Variants in SLC16A1 observed in about 807,000 individuals in gnomAD.
SLC16A1 encodes solute carrier family 16 member 1, also known as monocarboxylate transporter 1.
SLC16A1 carries 11 observed loss-of-function variants against 32.2 expected under a neutral mutation model. The ratio of observed to expected loss-of-function variants is 0.34; its 90% CI spans 0.21 to 0.56. The LOEUF (loss-of-function observed/expected upper bound fraction) is 0.56. SLC16A1 is among the 20% of genes least tolerant of loss of function. The probability of loss-of-function intolerance (pLI) is 0.87; values close to 1 mark genes in which losing one functional copy is unlikely to be tolerated. For missense variants in SLC16A1, 435 were observed against 615.0 expected (o/e 0.71, Z 3.10); for synonymous variants, 231 against 226.8 (o/e 1.02, Z -0.17).
chr1:112,922,870 CTAGATTT>C (rs1316981604), intron 2 of SLC16A1, among the ~76,000 whole-genome samples: 1 of 152,182 alleles, frequency 6.6e-6, no homozygotes, highest in African/African-American at 2.4e-5. Context: ...ATAAATGCAT[CTAGATTT>C]TAGAGTACTT....
intron 1 of SLC16A1, among the ~76,000 whole-genome samples, chr1:112,934,656 T>C (rs1448454356): frequency 6.6e-6 from 1 of 152,074 alleles, no homozygotes; most frequent in South Asian, 2.1e-4. Flanking sequence ...TTCTTTGTCT[T>C]AGTTATCTAG....
intron 3 of SLC16A1, 29 bp downstream of exon 3, chr1:112,921,961 T>C: frequency 1.9e-6 from 3 of 1,613,710 alleles, no homozygotes; most frequent in Admixed American, 1.7e-5. Flanking sequence ...CATAAACTAA[T>C]GCTTCCAAAT....
At chr1:112,944,737 GGTTGGAGTGCAGTGGTGCA>G (rs1649632831) in intron 1 of SLC16A1, among the ~76,000 whole-genome samples, 1 of 152,140 alleles carries the variant, frequency 6.6e-6, no homozygotes, top group Admixed American at 6.5e-5. Context: ...CTGTCGCTGA[GGTTGGAGTGCAGTGGTGCA>G]GTCTTGGCTC....
chr1:112,924,063 AAG>A (rs1648844111), intron 2 of SLC16A1: 11 of 1,292,152 alleles, frequency 8.5e-6, no homozygotes, highest in Non-Finnish European at 1.2e-5. Flanking sequence ...CTTCTGGAAG[AAG>A]CACCACTTCG....
chr1:112,945,394 G>T (rs1204426593), intron 1 of SLC16A1, among the ~76,000 whole-genome samples: 6 of 152,146 alleles, frequency 3.9e-5, no homozygotes, highest in African/African-American at 1.4e-4. Context: ...CCTACTGTTG[G>T]CCGGGCATGG....
rs1570620206 is a variant in SLC16A1, at chr1:112,918,002, A to G, written c.404T>C (p.Ile135Thr). 2 of 1,592,764 alleles carry G rather than the reference A, an allele frequency of 1.3e-6. No homozygotes were observed. The change falls in exon 4 of 5, where the codon ATT (isoleucine) becomes ACT (threonine). Residue 135 changes from isoleucine (I) to threonine (T), a missense_variant. Ile to Thr is a moderately conservative substitution (Grantham distance 89). Coordinates refer to ENST00000369626, the MANE Select transcript of SLC16A1 (RefSeq NM_003051.4). ...AFNLNPALTM[I>T]GKYFYKRRPL... ...TCGCCTCTTGTAGAAATACTTGCCA[A>G]TCATGGTCAGAGCTGGATTCAAGTT... is the stretch of plus-strand genomic sequence containing the variant.
At chr1:112,934,450 G>A (rs1178318411) in intron 1 of SLC16A1, among the ~76,000 whole-genome samples, 2 of 152,142 alleles carry the variant, frequency 1.3e-5, no homozygotes, top group African/African-American at 2.4e-5. Flanking sequence ...AGGGTAAATG[G>A]AAATACTTTA....
chr1:112,952,053 T>C (rs775549131), intron 1 of SLC16A1, among the ~76,000 whole-genome samples: 1 of 152,314 alleles, frequency 6.6e-6, no homozygotes, highest in Non-Finnish European at 1.5e-5. Context: ...CTAGGAATTA[T>C]ACTTGTCCTC....
chr1:112,928,921 G>A (rs113024488), intron 2 of SLC16A1, 171 bp downstream of exon 2: 3 of 620,848 alleles, frequency 4.8e-6, no homozygotes, highest in Non-Finnish European at 8.5e-6. Context: ...TATAGCAAGA[G>A]TTGCTATTGT....
At chr1:112,931,644 C>CAAG (rs1491529835) in intron 1 of SLC16A1, among the ~76,000 whole-genome samples, 1 of 62,028 alleles carries the variant, frequency 1.6e-5, no homozygotes, top group African/African-American at 5.9e-5. Flanking sequence ...TACTCTGTCT[C>CAAG]AAAAAAAAAA....
intron 1 of SLC16A1, chr1:112,936,120 C>G (rs1005098179): frequency 6.7e-6 from 1 of 150,218 alleles, no homozygotes; most frequent in African/African-American, 2.5e-5. Flanking sequence ...AAAGAGATTT[C>G]TGTTAAACAA....
At chr1:112,940,822 C>T (rs1418395733) in intron 1 of SLC16A1, among the ~76,000 whole-genome samples, 1 of 152,054 alleles carries the variant, frequency 6.6e-6, no homozygotes, top group Non-Finnish European at 1.5e-5. Flanking sequence ...AAAGAACATG[C>T]AAAAATTCTA....
intron 1 of SLC16A1, among the ~76,000 whole-genome samples, chr1:112,942,749 A>G (rs1188700608): frequency 2.0e-5 from 3 of 152,168 alleles, no homozygotes; most frequent in South Asian, 2.1e-4. Context: ...TATAATTCCA[A>G]TTAATTTGAC....
intron 1 of SLC16A1, among the ~76,000 whole-genome samples, chr1:112,933,096 T>C (rs531787365): frequency 6.6e-6 from 1 of 152,156 alleles, no homozygotes; most frequent in Non-Finnish European, 1.5e-5. Flanking sequence ...GAAGTTAAAA[T>C]AGATAACCTA....
chr1:112,936,353 C>CA (rs1372717628), intron 1 of SLC16A1, among the ~76,000 whole-genome samples: 10 of 151,644 alleles, frequency 6.6e-5, no homozygotes, highest in Non-Finnish European at 1.5e-4. Flanking sequence ...ACTAAAAATA[C>CA]AAAAATTAGC....
rs1349783198 is a variant in SLC16A1 at position 112,917,720 on chromosome 1, GCAT to G, written c.683_685del (p.Asp228del). On this transcript the variant is annotated inframe_deletion, in exon 4 of 5. Coordinates refer to ENST00000369626, the MANE Select transcript of SLC16A1 (RefSeq NM_003051.4). The surrounding 1 kb of genome is among the most constrained non-coding windows in gnomAD (Gnocchi z 4.1). Reference sequence around the variant, plus strand: ...GTGTCTTCCAATAAGATCTGTATTTGCATCATGCAGATCTTTTTTCACACCAGA... The same window carrying G: ...GTGTCTTCCAATAAGATCTGTATTTGCATGCAGATCTTTTTTCACACCAGA... The G allele has an allele frequency of 1.9e-6, 3 of 1,613,998 alleles. No homozygotes were observed. Among genetic ancestry groups the G allele is most frequent in the Non-Finnish European group, 2.5e-6 (3 of 1,179,974 alleles).
chr1:112,926,438 C>T (rs1465181819), intron 2 of SLC16A1, among the ~76,000 whole-genome samples: 1 of 152,068 alleles, frequency 6.6e-6, no homozygotes. Context: ...CAAAAACTAG[C>T]TGGGCGTAGT....
At chr1:112,922,985 A>C (rs1039136284) in intron 2 of SLC16A1, among the ~76,000 whole-genome samples, 31 of 151,830 alleles carry the variant, frequency 2.0e-4, no homozygotes, top group Non-Finnish European at 7.4e-5. Context: ...GATCTCGCTT[A>C]CTGTAAGCTC....
At chr1:112,942,792 C>T (rs1156894033) in intron 1 of SLC16A1, among the ~76,000 whole-genome samples, 3 of 152,168 alleles carry the variant, frequency 2.0e-5, no homozygotes, top group Non-Finnish European at 2.9e-5. Context: ...CCCTATGATG[C>T]TACTATTGTG....
Sources: allele counts gnomAD v4.1 joint callset (sites outside exome capture counted in the v4.1 genomes callset), GRCh38; gene constraint gnomAD v4.1.1; non-coding constraint Gnocchi (gnomAD v3.1); transcripts MANE v1.5; gene names NCBI Gene and HGNC (gene_info 2026-07-23, HGNC 2026-07-21).